The following ULK4 variants were observed in gnomAD, a reference collection of about 807,000 sequenced individuals.
ULK4 encodes inactive serine/threonine-protein kinase ULK4.
ULK4 carries 133 observed loss-of-function variants against 160.6 expected under a neutral mutation model. The ratio of observed to expected loss-of-function variants is 0.83; its 90% CI spans 0.72 to 0.96. The LOEUF (loss-of-function observed/expected upper bound fraction) is 0.96, where lower values mean the gene tolerates loss of function less well. Among genes scored for constraint, ULK4 ranks in the 40% least tolerant of loss-of-function variants. The pLI is 0.00. For missense variants in ULK4, 1,580 were observed against 1,499.5 expected (o/e 1.05, Z -0.89); for synonymous variants, 534 against 539.8 (o/e 0.99, Z 0.15).
intron 18 of ULK4, among the ~76,000 whole-genome samples, chr3:41,835,535 C>A (rs1049425102): frequency 6.6e-6 from 1 of 152,188 alleles, no homozygotes; most frequent in Admixed American, 6.5e-5. Flanking sequence ...AACCAATGGT[C>A]TCCTCTTGCC....
At chr3:41,840,772 T>C (rs531577864) in intron 17 of ULK4, among the ~76,000 whole-genome samples, 1 of 152,344 alleles carries the variant, frequency 6.6e-6, no homozygotes, top group Non-Finnish European at 1.5e-5. Context: ...AGTGCTAAGA[T>C]TACAGCCTCT....
intron 32 of ULK4, among the ~76,000 whole-genome samples, chr3:41,521,373 AT>A (rs372760821): frequency 2.0e-5 from 3 of 150,090 alleles, no homozygotes; most frequent in African/African-American, 7.4e-5. Flanking sequence ...ATTAGACCTT[AT>A]TTTTTTTTCA....
At chr3:41,563,243 G>A (rs1415564825) in intron 32 of ULK4, among the ~76,000 whole-genome samples, 1 of 152,142 alleles carries the variant, frequency 6.6e-6, no homozygotes, top group Admixed American at 6.5e-5. Flanking sequence ...TAGTCTTTGG[G>A]CTTACCTTTG....
chr3:41,733,702 C>T (rs544124668), intron 22 of ULK4, among the ~76,000 whole-genome samples: 4 of 147,104 alleles, frequency 2.7e-5, no homozygotes, highest in Non-Finnish European at 5.9e-5. Flanking sequence ...ATCAAGATTG[C>T]CTTGAATTCA....
intron 35 of ULK4, chr3:41,251,235 T>C (rs1369452879): frequency 6.6e-6 from 1 of 152,234 alleles, no homozygotes; most frequent in South Asian, 2.1e-4. Context: ...ACAACGCCAA[T>C]TGAAAACTAC....
intron 5 of ULK4, among the ~76,000 whole-genome samples, chr3:41,927,675 C>CAAAAAA (rs35242579): frequency 1.7e-5 from 2 of 118,406 alleles, no homozygotes; most frequent in Non-Finnish European, 1.7e-5. Context: ...AAATGGAAAG[C>CAAAAAA]AAAAAAAAAA....
intron 16 of ULK4, among the ~76,000 whole-genome samples, chr3:41,884,391 A>G (rs1697642801): frequency 6.6e-6 from 1 of 152,190 alleles, no homozygotes. Context: ...ATCTGTATGT[A>G]TTCAGTGTAA....
intron 25 of ULK4, among the ~76,000 whole-genome samples, chr3:41,711,238 G>A (rs940921457): frequency 6.6e-6 from 1 of 152,188 alleles, no homozygotes; most frequent in Non-Finnish European, 1.5e-5. Context: ...ATCTGCAGAT[G>A]ACCACAACAC....
intron 22 of ULK4, among the ~76,000 whole-genome samples, chr3:41,721,043 A>G (rs9830469): frequency 0.31 from 47,542 of 151,618 alleles, 10,920 homozygotes; most frequent in African/African-American, 0.65. Flanking sequence ...CCCTTTATAC[A>G]CTACATGAAA....
intron 31 of ULK4, among the ~76,000 whole-genome samples, chr3:41,591,545 C>T (rs967048094): frequency 1.3e-5 from 2 of 151,008 alleles, no homozygotes; most frequent in Non-Finnish European, 2.9e-5. Context: ...AGAAAGTTAA[C>T]GAATTTGTGT....
At chr3:41,715,683 A>T in intron 23 of ULK4, 115 bp from the exon 24 acceptor site, 27 of 1,312,514 alleles carry the variant, frequency 2.1e-5, no homozygotes, top group Non-Finnish European at 2.7e-5. Context: ...TCCAAATAAA[A>T]TAAGCAGATA....
At chr3:41,795,001 C>T (rs2040262642) in intron 20 of ULK4, among the ~76,000 whole-genome samples, 1 of 152,138 alleles carries the variant, frequency 6.6e-6, no homozygotes, top group Non-Finnish European at 1.5e-5. Context: ...AGGGCCAAAT[C>T]ATGCAAGATA....
rs184208238 is a variant in ULK4, at chr3:41,624,976, T to A, written c.3072-9259A>T. Among the ~76,000 whole-genome samples, 522 of 152,298 alleles carry A rather than the reference T, an allele frequency of 3.4e-3. 3 individuals are homozygous for A. The highest frequency in any genetic ancestry group is 0.011 in the African/African-American group (475 of 41,562). On this transcript the variant is annotated intron_variant, in intron 30 of 36. Coordinates refer to ENST00000301831, the MANE Select transcript of ULK4 (RefSeq NM_017886.4). ...TTTGGTAAATCTCTGTTAAAAAAAA[T>A]TTCTGTATTGTTTTCTATGACTTAT... is the stretch of plus-strand genomic sequence containing the variant.
chr3:41,711,360 A>C (rs2037090265), intron 25 of ULK4, among the ~76,000 whole-genome samples: 1 of 152,220 alleles, frequency 6.6e-6, no homozygotes, highest in South Asian at 2.1e-4. Context: ...GGGGGTGTGA[A>C]GCAGTGTGTG....
chr3:41,415,198 T>C (rs1040285749), intron 34 of ULK4, among the ~76,000 whole-genome samples: 1 of 152,164 alleles, frequency 6.6e-6, no homozygotes, highest in African/African-American at 2.4e-5. Flanking sequence ...AGCAGCAAGG[T>C]TTCGGAAACC....
intron 25 of ULK4, among the ~76,000 whole-genome samples, chr3:41,709,379 AGTTT>A (rs1183946702): frequency 2.0e-5 from 3 of 151,838 alleles, no homozygotes; most frequent in Admixed American, 6.6e-5. Context: ...TTTAAAATGG[AGTTT>A]GTTTGGTTTT....
intron 2 of ULK4, among the ~76,000 whole-genome samples, chr3:41,938,443 G>C (rs1699849632): frequency 6.6e-6 from 1 of 152,168 alleles, no homozygotes; most frequent in Non-Finnish European, 1.5e-5. Flanking sequence ...CACTTTGGGA[G>C]GCCGAGGTGG....
intron 35 of ULK4, among the ~76,000 whole-genome samples, chr3:41,310,808 C>T (rs962918087): frequency 3.9e-5 from 6 of 151,984 alleles, no homozygotes; most frequent in Admixed American, 6.6e-5. Context: ...ACATGGGCGA[C>T]GTGGCAAAAC....
chr3:41,303,812 A>G lies in ULK4; in HGVS notation c.3679-54238T>C, dbSNP rs537141441. ...GCCAGGGGGAAGAGCAGCCTGCAGT[A>G]GTATCTGGGATTGAATTTGGGGGCT... On this transcript the variant is annotated intron_variant, in intron 35 of 36. Transcript: ENST00000301831. Among the ~76,000 whole-genome samples the G allele has an allele frequency of 5.3e-5, 8 of 151,926 alleles. 1 individual carries two copies. Among genetic ancestry groups the G allele is most frequent in the Admixed American group, 5.2e-4 (8 of 15,266 alleles).
Sources: allele counts gnomAD v4.1 joint callset (sites outside exome capture counted in the v4.1 genomes callset), GRCh38; gene constraint gnomAD v4.1.1; transcripts MANE v1.5; gene names NCBI Gene and HGNC (gene_info 2026-07-23, HGNC 2026-07-21).